Variants in SMYD3 observed in about 807,000 individuals in gnomAD.
SMYD3 encodes SET and MYND domain containing 3.
In SMYD3, 36 loss-of-function variants were observed where a neutral mutation model predicts 57.7. The ratio of observed to expected loss-of-function variants is 0.62; its 90% CI spans 0.48 to 0.82. The LOEUF is 0.82. Among genes scored for constraint, SMYD3 ranks in the 40% least tolerant of loss-of-function variants. The pLI is 0.00. For synonymous variants in SMYD3, 211 were observed against 195.0 expected, an observed-to-expected ratio of 1.08 and a Z score of -0.68; for missense variants, 515 against 538.8, an observed-to-expected ratio of 0.96 and a Z score of 0.44.
At chr1:246,305,578 T>G (rs1419599448) in intron 5 of SMYD3, among the ~76,000 whole-genome samples, 1 of 152,026 alleles carries the variant, frequency 6.6e-6, no homozygotes, top group African/African-American at 2.4e-5. Context: ...AATAAACAAA[T>G]AAGGATGATA....
intron 5 of SMYD3, among the ~76,000 whole-genome samples, chr1:246,121,219 C>T (rs913920715): frequency 1.0e-5 from 1 of 99,012 alleles, no homozygotes; most frequent in African/African-American, 3.8e-5. Context: ...CATAATTTCT[C>T]TTGCTCTATG....
intron 5 of SMYD3, among the ~76,000 whole-genome samples, chr1:246,103,160 C>T (rs149403609): frequency 6.6e-6 from 1 of 152,274 alleles, no homozygotes; most frequent in East Asian, 1.9e-4. Context: ...GGAGTTCAAA[C>T]ATGAGAACTA....
chr1:246,498,590 G>T (rs909956460), intron 1 of SMYD3, among the ~76,000 whole-genome samples: 4 of 152,026 alleles, frequency 2.6e-5, no homozygotes, highest in African/African-American at 7.2e-5. Flanking sequence ...AATTAGCCAG[G>T]CGTGATGGCG....
chr1:246,399,265 C>T (rs2066728971), intron 1 of SMYD3, among the ~76,000 whole-genome samples: 1 of 152,138 alleles, frequency 6.6e-6, no homozygotes, highest in Non-Finnish European at 1.5e-5. Context: ...CTCAAATGAT[C>T]CACCTGCCTC....
At chr1:246,396,125 C>T (rs2066667746) in intron 1 of SMYD3, among the ~76,000 whole-genome samples, 1 of 152,014 alleles carries the variant, frequency 6.6e-6, no homozygotes, top group African/African-American at 2.4e-5. Flanking sequence ...AGGAACACAC[C>T]CCAAATTATC....
intron 5 of SMYD3, among the ~76,000 whole-genome samples, chr1:246,147,149 C>G (rs909270928): frequency 5.9e-5 from 9 of 151,954 alleles, no homozygotes; most frequent in African/African-American, 1.7e-4. Context: ...ACTGAGGCTG[C>G]ATGGCACATT....
intron 10 of SMYD3, among the ~76,000 whole-genome samples, chr1:245,798,865 T>C (rs150368595): frequency 1.3e-5 from 2 of 152,222 alleles, no homozygotes; most frequent in African/African-American, 4.8e-5. Flanking sequence ...CATCAACCCC[T>C]CAGCCCAGCC....
chr1:246,182,873 T>C (rs1288526123), intron 5 of SMYD3, among the ~76,000 whole-genome samples: 1 of 152,144 alleles, frequency 6.6e-6, no homozygotes, highest in Admixed American at 6.6e-5. Context: ...ATGATGATAC[T>C]GAAGCAAAAT....
intron 5 of SMYD3, among the ~76,000 whole-genome samples, chr1:246,145,475 C>A (rs920991618): frequency 1.4e-4 from 21 of 152,170 alleles, no homozygotes; most frequent in Non-Finnish European, 3.1e-4. Flanking sequence ...CTGAGCTTCA[C>A]TGGATTAAAG....
chr1:246,350,511 C>T (rs995538502), intron 2 of SMYD3, among the ~76,000 whole-genome samples: 2 of 152,088 alleles, frequency 1.3e-5, no homozygotes, highest in Admixed American at 6.6e-5. Context: ...AAAATCAGCA[C>T]GACATGATGA....
chr1:246,499,560 G>A (rs560680549), intron 1 of SMYD3, among the ~76,000 whole-genome samples: 2 of 151,896 alleles, frequency 1.3e-5, no homozygotes, highest in South Asian at 2.1e-4. Context: ...AGGTGCAAGC[G>A]ATTCTCCTGC....
At chr1:246,239,198 T>C (rs1171000340) in intron 5 of SMYD3, among the ~76,000 whole-genome samples, 1 of 152,204 alleles carries the variant, frequency 6.6e-6, no homozygotes, top group Non-Finnish European at 1.5e-5. Context: ...GCTGCACCCA[T>C]TAACTCATCA....
intron 8 of SMYD3, among the ~76,000 whole-genome samples, chr1:245,894,884 C>G (rs1315261558): frequency 6.6e-6 from 1 of 152,190 alleles, no homozygotes; most frequent in Non-Finnish European, 1.5e-5. Flanking sequence ...ATTCACGACA[C>G]CACAAATTGT....
At chr1:245,901,405 T>G (rs1160572449) in intron 8 of SMYD3, among the ~76,000 whole-genome samples, 1 of 152,198 alleles carries the variant, frequency 6.6e-6, no homozygotes, top group Non-Finnish European at 1.5e-5. Context: ...GTGAAATATT[T>G]CATATTGGAC....
chr1:246,209,228 G>T (rs1439253863), intron 5 of SMYD3, among the ~76,000 whole-genome samples: 2 of 152,074 alleles, frequency 1.3e-5, no homozygotes, highest in African/African-American at 4.8e-5. Context: ...GTCAGAAATG[G>T]CTGTGATGAT....
intron 1 of SMYD3, among the ~76,000 whole-genome samples, chr1:246,384,329 A>G (rs1021970922): frequency 6.6e-6 from 1 of 152,174 alleles, no homozygotes; most frequent in Non-Finnish European, 1.5e-5. Context: ...ATAATGTTCT[A>G]AACAGAGATG....
chr1:246,278,660 C>T (rs528340259), intron 5 of SMYD3, among the ~76,000 whole-genome samples: 5 of 152,176 alleles, frequency 3.3e-5, no homozygotes, highest in East Asian at 3.9e-4. Context: ...GCTTCTTCCC[C>T]GGATTTCCAT....
At chr1:246,336,928 C>T (rs555205505) in intron 2 of SMYD3, among the ~76,000 whole-genome samples, 1 of 152,274 alleles carries the variant, frequency 6.6e-6, no homozygotes, top group South Asian at 2.1e-4. Flanking sequence ...CCTCAACTGA[C>T]AGAAAGTAAA....
chr1:246,081,768 T>A (rs2060640818), intron 5 of SMYD3, among the ~76,000 whole-genome samples: 2 of 152,002 alleles, frequency 1.3e-5, no homozygotes, highest in Admixed American at 6.6e-5. Flanking sequence ...CTAGAAAAAA[T>A]TTAAAATAAC....
Sources: gnomAD v4.1 joint callset for allele counts (sites outside exome capture counted in the v4.1 genomes callset) on GRCh38, gnomAD v4.1.1 for gene constraint, MANE v1.5 for transcripts, NCBI Gene and HGNC (gene_info 2026-07-23, HGNC 2026-07-21) for gene names.